The following SOX13 variants were observed in gnomAD, a reference collection of about 807,000 sequenced individuals.
SOX13 encodes the protein SRY-box transcription factor 13, also known as transcription factor SOX-13.
A neutral mutation model predicts 71.8 loss-of-function variants in SOX13; 28 were observed. The observed-to-expected ratio is 0.39, with a 90% CI of 0.29 to 0.53. The LOEUF is 0.53. SOX13 is among the 20% of genes least tolerant of loss of function. SOX13 has a pLI of 0.70. For missense variants in SOX13, 627 were observed against 810.3 expected (o/e 0.77, Z 2.75); for synonymous variants, 309 against 317.8 (o/e 0.97, Z 0.29).
intron 4 of SOX13, among the ~76,000 whole-genome samples, chr1:204,115,274 C>T (rs749517526): frequency 1.3e-5 from 2 of 151,646 alleles, no homozygotes; most frequent in Non-Finnish European, 2.9e-5. Flanking sequence ...TCTCAAATTG[C>T]TAGGATTGCA....
At position 204,081,369 on chromosome 1, in the gene SOX13, A is replaced by G. The variant is rs140242387; in HGVS notation, c.-2+7658A>G. On this transcript the variant is annotated intron_variant, in intron 1 of 13. Coordinates refer to ENST00000367204, the MANE Select transcript of SOX13 (RefSeq NM_005686.3). This position sits in a 1 kb window ranked among gnomAD's most constrained non-coding sequence, Gnocchi z 4.3. ...TTCCAGATAGTGAAACAGAAATGTC[A>G]TCAGTGTTTGTTTCCACGGAAGACC... 1.3e-4 allele frequency among the ~76,000 whole-genome samples: 20 copies of G among 152,374 alleles called. No homozygotes were observed. In the East Asian group the frequency reaches 3.3e-3, roughly 25 times the overall value.
At position 204,124,678 on chromosome 1, in the gene SOX13, G is replaced by T. The variant is rs200197766; in HGVS notation, c.1413G>T (p.Gln471His). 6.2e-7 allele frequency: 1 copy of T among 1,613,452 alleles called. No homozygotes were observed. Among genetic ancestry groups the T allele is most frequent in the South Asian group, 1.1e-5 (1 of 90,860 alleles). ...AGTCCATGACCAACCAGGAGAAGCA[G>T]CCCTACTATGAGGAACAGGCGCGGC... ...RWKSMTNQEK[Q>H]PYYEEQARLS... Residue 471 changes from glutamine (Q) to histidine (H), a missense_variant, in exon 13 of 14, where the codon CAG (glutamine) becomes CAT (histidine). Transcript: ENST00000367204.
At chr1:204,086,414 C>T (rs1656019965) in intron 1 of SOX13, among the ~76,000 whole-genome samples, 1 of 152,172 alleles carries the variant, frequency 6.6e-6, no homozygotes, top group South Asian at 2.1e-4. Context: ...AGAGATTCTC[C>T]TGCCTCAGCC....
In SOX13 at chr1:204,088,360, C is replaced by T. The variant is rs182277434; in HGVS notation, c.-2+14649C>T. On this transcript the variant is annotated intron_variant, in intron 1 of 13. Coordinates refer to ENST00000367204, the MANE Select transcript of SOX13 (RefSeq NM_005686.3). ...AGCCAGGTGGTCAGATGACTCCCTA[C>T]GTAGCCTTGGAAACTGCCCAAATAA... is the stretch of plus-strand genomic sequence containing the variant. Among the ~76,000 whole-genome samples the T allele has an allele frequency of 9.9e-5, 15 of 152,270 alleles. No individual in the cohort carries two copies. In the East Asian group the frequency reaches 1.9e-3, roughly 20 times the overall value.
chr1:204,091,287 C>T (rs1656139194), intron 1 of SOX13, among the ~76,000 whole-genome samples: 2 of 152,258 alleles, frequency 1.3e-5, no homozygotes, highest in South Asian at 2.1e-4. Context: ...CGGCTTTGGT[C>T]CCACTGGGAC....
At position 204,122,225 on chromosome 1, in the gene SOX13, G is replaced by T; in HGVS notation, c.862-12G>T. The stretch of plus-strand genomic sequence containing the variant: ...GTGTCTGTCATCCTCTGACCTGCTG[G>T]GTCTCCCTCAGGAGCCCTCCCAGCC... On this transcript the variant is annotated splice_polypyrimidine_tract_variant and intron_variant, in intron 8 of 13. Transcript: ENST00000367204. The T allele has an allele frequency of 6.4e-7, 1 of 1,559,950 alleles. No homozygotes were observed. Among genetic ancestry groups the T allele is most frequent in the Non-Finnish European group, 8.7e-7 (1 of 1,153,218 alleles).
intron 1 of SOX13, among the ~76,000 whole-genome samples, chr1:204,099,327 T>C (rs919528187): frequency 1.3e-5 from 2 of 151,998 alleles, no homozygotes; most frequent in Non-Finnish European, 2.9e-5. Flanking sequence ...ATGCTTAGCA[T>C]GTAAGTAGTT....
At position 204,125,516 on chromosome 1, in the gene SOX13, T is replaced by C. The variant is rs566610312; in HGVS notation, c.1593-342T>C. 7.9e-5 allele frequency among the ~76,000 whole-genome samples: 12 copies of C among 152,308 alleles called. No individual in the cohort carries two copies. The East Asian group carries it at 1.2e-3, about 15-fold the overall frequency. ...AGGCTGACGCTGCAGTCAGCTGTGATTGTACCACTGTTCTCCAGCATGGGT... is the reference window on the plus strand; with the variant it reads ...AGGCTGACGCTGCAGTCAGCTGTGACTGTACCACTGTTCTCCAGCATGGGT... On this transcript the variant is annotated intron_variant, in intron 13 of 13. Transcript: ENST00000367204.
At chr1:204,114,015 G>A (rs997508713) in intron 2 of SOX13, among the ~76,000 whole-genome samples, 1 of 152,234 alleles carries the variant, frequency 6.6e-6, no homozygotes, top group African/African-American at 2.4e-5. Flanking sequence ...GACAGAGGAG[G>A]TATTAATATT....
Position 204,124,866 on chromosome 1 carries a change from GC to G in SOX13, c.1592+16del, listed in dbSNP as rs201619115. The G allele has an allele frequency of 1.2e-5, 18 of 1,550,342 alleles. No homozygotes were observed. Among genetic ancestry groups the G allele is most frequent in the East Asian group, 2.4e-5 (1 of 41,340 alleles). On this transcript the variant is annotated intron_variant, in intron 13 of 13. Coordinates refer to ENST00000367204, the MANE Select transcript of SOX13 (RefSeq NM_005686.3). ...CAGAGCTACGTGATCCCGTGAGCAGGCCCCCCCGCAGGCAGCCAGGAGACTG... is the reference window on the plus strand; with the variant it reads ...CAGAGCTACGTGATCCCGTGAGCAGGCCCCCCGCAGGCAGCCAGGAGACTG...
At chr1:204,082,568 C>G (rs1558209755) in intron 1 of SOX13, among the ~76,000 whole-genome samples, 1 of 152,120 alleles carries the variant, frequency 6.6e-6, no homozygotes, top group Non-Finnish European at 1.5e-5. Context: ...CCCAGCCATC[C>G]CCCTCGCCCG....
Position 204,123,205 on chromosome 1 carries a change from G to A in SOX13, c.1228G>A (p.Asp410Asn). 6.2e-7 allele frequency: 1 copy of A among 1,612,236 alleles called. No homozygotes were observed. The highest frequency in any genetic ancestry group is 8.5e-7 in the Non-Finnish European group (1 of 1,178,478). ...GGAAGCCATGCTGAGCTGCGACATG[G>A]ATGGTGAGGGCTCAGGCGCAGGGCT... ...LEEAMLSCDM[D>N]GSRHFPESRN... The change falls in exon 11 of 14, where the codon GAT (aspartate) becomes AAT (asparagine). Residue 410 changes from aspartate to asparagine, a missense_variant. Asp to Asn is a conservative substitution (Grantham distance 23). Coordinates refer to ENST00000367204, the MANE Select transcript of SOX13 (RefSeq NM_005686.3). This position sits in a 1 kb window ranked among gnomAD's most constrained non-coding sequence, Gnocchi z 5.0.
chr1:204,080,771 G>A (rs1308436798), intron 1 of SOX13, among the ~76,000 whole-genome samples: 2 of 152,088 alleles, frequency 1.3e-5, no homozygotes, highest in African/African-American at 4.8e-5. Context: ...TGCTGTGGGG[G>A]TCCAGGACTA....
At chr1:204,075,904 C>T (rs1655777250) in intron 1 of SOX13, among the ~76,000 whole-genome samples, 1 of 152,114 alleles carries the variant, frequency 6.6e-6, no homozygotes, top group Non-Finnish European at 1.5e-5. Context: ...TTGTACAGAG[C>T]CCAGAAGAGC....
intron 1 of SOX13, among the ~76,000 whole-genome samples, chr1:204,087,963 T>G (rs1367899409): frequency 6.6e-6 from 1 of 152,226 alleles, no homozygotes; most frequent in African/African-American, 2.4e-5. Context: ...GAGGCTGGTC[T>G]ATGCGGTATG....
rs181848155 is a variant in SOX13 at position 204,079,787 on chromosome 1, G to T, written c.-2+6076G>T. ...ACTCCTGGCAAGAGCACATTGTGGTGCTGTCAGGGAGGACCTCCATGGTCT... is the reference window on the plus strand; with the variant it reads ...ACTCCTGGCAAGAGCACATTGTGGTTCTGTCAGGGAGGACCTCCATGGTCT... On this transcript the variant is annotated intron_variant, in intron 1 of 13. Transcript: ENST00000367204. Among the ~76,000 whole-genome samples the T allele has an allele frequency of 1.6e-3, 242 of 152,324 alleles. 1 individual carries two copies. The highest frequency in any genetic ancestry group is 2.8e-3 in the Non-Finnish European group (188 of 68,034).
rs776479941 is a variant in SOX13, at chr1:204,122,364, G to C, written c.989G>C (p.Arg330Pro). 1 of 1,562,922 alleles carries C rather than the reference G, an allele frequency of 6.4e-7. No individual in the cohort carries two copies. The highest frequency in any genetic ancestry group is 1.4e-5 in the African/African-American group (1 of 73,310). Residue 330 changes from arginine (R) to proline (P), a missense_variant, in exon 9 of 14, where the codon CGG (arginine) becomes CCG (proline). Physicochemically the swap from Arg to Pro is moderately radical, Grantham distance 103 (BLOSUM62 -2). Transcript: ENST00000367204. ...PRPPSHGGPT[R>P]DLQSSPPSLP... Reference sequence around the variant, plus strand: ...CCCCCCAGCCATGGAGGCCCCACGCGGGACCTGCAGTCCAGCCCCCCGAGC... The same window carrying C: ...CCCCCCAGCCATGGAGGCCCCACGCCGGACCTGCAGTCCAGCCCCCCGAGC...
Position 204,114,850 on chromosome 1 carries a change from C to T in SOX13, c.418+245C>T, listed in dbSNP as rs550291353. Among the ~76,000 whole-genome samples, 4 of 152,274 alleles carry T rather than the reference C, an allele frequency of 2.6e-5. No individual in the cohort carries two copies. The South Asian group carries it at 8.3e-4, about 32-fold the overall frequency. ...CCATGACTCTGAATCTGGGCTCTCACCAGGCACCCTTGTGACTTCAGGCAT... is the reference window on the plus strand; with the variant it reads ...CCATGACTCTGAATCTGGGCTCTCATCAGGCACCCTTGTGACTTCAGGCAT... On this transcript the variant is annotated intron_variant, in intron 4 of 13. Coordinates refer to ENST00000367204, the MANE Select transcript of SOX13 (RefSeq NM_005686.3).
In SOX13 at chr1:204,124,871, C is replaced by G. The variant is rs114327971; in HGVS notation, c.1592+14C>G. ...CTACGTGATCCCGTGAGCAGGCCCC[C>G]CCGCAGGCAGCCAGGAGACTGTGTG... On this transcript the variant is annotated intron_variant, in intron 13 of 13. Transcript: ENST00000367204. The G allele has an allele frequency of 2.6e-6, 4 of 1,543,540 alleles. No individual in the cohort carries two copies. The highest frequency in any genetic ancestry group is 2.4e-5 in the South Asian group (2 of 83,998).
Sources: gnomAD v4.1 joint callset for allele counts (sites outside exome capture counted in the v4.1 genomes callset) on GRCh38, gnomAD v4.1.1 for gene constraint, Gnocchi (gnomAD v3.1) non-coding constraint, MANE v1.5 for transcripts, NCBI Gene and HGNC (gene_info 2026-07-23, HGNC 2026-07-21) for gene names.